The following COL26A1 variants were observed in gnomAD, a reference collection of about 807,000 sequenced individuals.
The protein encoded by COL26A1 is collagen type XXVI alpha 1 chain, also known as collagen alpha-1(XXVI) chain.
In COL26A1, 41 loss-of-function variants were observed where a neutral mutation model predicts 59.3. The ratio of observed to expected loss-of-function variants is 0.69; its 90% confidence interval spans 0.54 to 0.90. The LOEUF is 0.90. Among genes scored for constraint, COL26A1 ranks in the 40% least tolerant of loss-of-function variants. The pLI, the probability that COL26A1 is intolerant of heterozygous loss-of-function variation, is 0.00. For missense variants in COL26A1, 612 were observed against 602.3 expected, an observed-to-expected ratio of 1.02 and a Z score of -0.17; for synonymous variants, 266 against 256.0, an observed-to-expected ratio of 1.04 and a Z score of -0.37.
At chr7:101,432,898 C>T (rs62463417) in intron 2 of COL26A1, among the ~76,000 whole-genome samples, 1,989 of 152,132 alleles carry the variant, frequency 0.013, 17 homozygotes, top group Admixed American at 0.021. Flanking sequence ...GACAGGGTTT[C>T]GCCATATTGG....
intron 2 of COL26A1, among the ~76,000 whole-genome samples, chr7:101,440,471 T>C (rs1793029873): frequency 6.6e-6 from 1 of 152,150 alleles, no homozygotes; most frequent in South Asian, 2.1e-4. Flanking sequence ...CGGGTTTTTT[T>C]CCAAGACTGG....
chr7:101,444,925 C>T (rs779041820), intron 2 of COL26A1, among the ~76,000 whole-genome samples: 1 of 151,976 alleles, frequency 6.6e-6, no homozygotes, highest in Non-Finnish European at 1.5e-5. Flanking sequence ...CTCACTGCAA[C>T]CTCCACCTCC....
At chr7:101,521,628 C>T (rs1199680811) in intron 3 of COL26A1, among the ~76,000 whole-genome samples, 1 of 152,132 alleles carries the variant, frequency 6.6e-6, no homozygotes, top group African/African-American at 2.4e-5. Flanking sequence ...ACAGCAGCAG[C>T]ACATAGGGTG....
chr7:101,362,786 G>A (rs957663696), upstream of COL26A1: 9 of 523,722 alleles, frequency 1.7e-5, no homozygotes, highest in Non-Finnish European at 2.7e-5. Flanking sequence ...CCGGACCGCC[G>A]AGGGTTAACA....
At chr7:101,379,803 G>A (rs746327780) in intron 1 of COL26A1, among the ~76,000 whole-genome samples, 19 of 152,120 alleles carry the variant, frequency 1.2e-4, no homozygotes, top group Non-Finnish European at 2.4e-4. Flanking sequence ...TCCCACCAGC[G>A]CCATAACAGT....
chr7:101,418,830 T>G (rs890444822), intron 1 of COL26A1, among the ~76,000 whole-genome samples: 2 of 152,018 alleles, frequency 1.3e-5, no homozygotes, highest in Non-Finnish European at 2.9e-5. Context: ...TGATCCCGTA[T>G]TGTTTGTGTA....
chr7:101,403,053 A>G (rs1003486027), intron 1 of COL26A1, among the ~76,000 whole-genome samples: 1 of 151,928 alleles, frequency 6.6e-6, no homozygotes, highest in African/African-American at 2.4e-5. Context: ...TGTATTGCCC[A>G]GGCTGGTCTC....
intron 2 of COL26A1, among the ~76,000 whole-genome samples, chr7:101,433,255 T>C (rs1260040996): frequency 6.6e-6 from 1 of 151,760 alleles, no homozygotes; most frequent in African/African-American, 2.4e-5. Context: ...GCACATAAGG[T>C]AGAAGTTGTA....
Position 101,509,737 on chromosome 7 carries a change from A to AT in COL26A1, c.386-23335dup, listed in dbSNP as rs1398418917. On this transcript the variant is annotated intron_variant, in intron 3 of 12. Transcript: ENST00000313669. ...CTCTTTCAGCACTGGGGGCTCTTTT[A>AT]TTTTTTTTTTGACGGGGCCTCACTC... Among the ~76,000 whole-genome samples, 696 of 148,112 alleles carry AT rather than the reference A, an allele frequency of 4.7e-3. 4 individuals are homozygous for AT. The highest frequency in any genetic ancestry group is 8.2e-3 in the South Asian group (38 of 4,638).
chr7:101,554,270 G>A (rs1795921091), intron 11 of COL26A1, among the ~76,000 whole-genome samples: 1 of 152,126 alleles, frequency 6.6e-6, no homozygotes, highest in Admixed American at 6.5e-5. Flanking sequence ...AAACAGCTGG[G>A]AGGGCCAGGG....
intron 10 of COL26A1, among the ~76,000 whole-genome samples, chr7:101,551,695 A>G (rs1447354398): frequency 1.3e-5 from 2 of 151,846 alleles, no homozygotes; most frequent in Non-Finnish European, 2.9e-5. Context: ...GCAGCGAGCC[A>G]GGATCACGCC....
chr7:101,473,714 G>A lies in COL26A1; in HGVS notation c.385+25927G>A, dbSNP rs1173525191. 3.3e-5 allele frequency among the ~76,000 whole-genome samples: 5 copies of A among 149,262 alleles called. No homozygotes were observed. The East Asian group carries it at 9.7e-4, about 29-fold the overall frequency. ...ACAAAACAAAAAAAATTAGCCAGGT[G>A]TGGTAGCTCATGCCTGTAGTCCCAG... On this transcript the variant is annotated intron_variant, in intron 3 of 12. Transcript: ENST00000313669.
chr7:101,484,796 A>G (rs1794233484), intron 3 of COL26A1, among the ~76,000 whole-genome samples: 2 of 151,310 alleles, frequency 1.3e-5, no homozygotes, highest in Non-Finnish European at 2.9e-5. Flanking sequence ...CCGAGTAGCT[A>G]GGATTACAGG....
At chr7:101,370,486 T>C (rs922888054) in intron 1 of COL26A1, among the ~76,000 whole-genome samples, 1 of 152,156 alleles carries the variant, frequency 6.6e-6, no homozygotes, top group Admixed American at 6.6e-5. Context: ...TTCTCCTGCC[T>C]CAGCCTTCCG....
intron 12 of COL26A1, among the ~76,000 whole-genome samples, chr7:101,557,034 TGGATGGATGGAC>T (rs200419516): frequency 0.16 from 18,123 of 110,102 alleles, 1,370 homozygotes; most frequent in Middle Eastern, 0.29. Flanking sequence ...GATGGATGGA[TGGATGGATGGAC>T]GGGCAGGTAA....
At chr7:101,376,051 C>CT (rs1231993940) in intron 1 of COL26A1, among the ~76,000 whole-genome samples, 1 of 148,754 alleles carries the variant, frequency 6.7e-6, no homozygotes, top group African/African-American at 2.5e-5. Context: ...GTCCCAGCTA[C>CT]TTGGGAGAGG....
At chr7:101,549,145 G>C in intron 8 of COL26A1, 26 bp from the exon 9 acceptor site, 4 of 1,513,922 alleles carry the variant, frequency 2.6e-6, no homozygotes, top group Non-Finnish European at 3.6e-6. Flanking sequence ...CTGGCCCCAG[G>C]TGACCATCTG....
chr7:101,441,892 T>C (rs887854283), intron 2 of COL26A1, among the ~76,000 whole-genome samples: 36 of 152,248 alleles, frequency 2.4e-4, no homozygotes, highest in African/African-American at 7.9e-4. Context: ...ACTCACAGCC[T>C]TACACCAGGC....
chr7:101,547,044 G>A (rs1795750129), intron 7 of COL26A1, 112 bp from the exon 8 acceptor site: 1 of 669,056 alleles, frequency 1.5e-6, no homozygotes, highest in Admixed American at 2.8e-5. Context: ...GTGATGGGAG[G>A]AGCCCCCCTG....
Sources: allele counts gnomAD v4.1 joint callset (sites outside exome capture counted in the v4.1 genomes callset), GRCh38; gene constraint gnomAD v4.1.1; transcripts MANE v1.5; gene names NCBI Gene and HGNC (gene_info 2026-07-23, HGNC 2026-07-21).